HMCN2: variants seen among roughly 807,000 people sequenced by gnomAD.
HMCN2 encodes hemicentin-2.
Under a neutral mutation model 377.5 loss-of-function variants are expected in HMCN2, and 325 were observed. The ratio of observed to expected loss-of-function variants is 0.86; its 90% CI spans 0.79 to 0.94. The LOEUF is 0.94. Ranked by LOEUF, HMCN2 falls within the 40% of genes least tolerant of loss-of-function variation. The pLI is 0.00. For missense variants in HMCN2, 4,543 were observed against 4,725.3 expected, an observed-to-expected ratio of 0.96 and a Z score of 1.13; for synonymous variants, 2,007 against 2,046.8, an observed-to-expected ratio of 0.98 and a Z score of 0.53.
chr9:130,398,519 C>T, intron 74 of HMCN2, 32 bp from the exon 75 acceptor site: 1 of 1,159,874 alleles, frequency 8.6e-7, no homozygotes, highest in Middle Eastern at 2.8e-4. Flanking sequence ...GTGCCCCCTG[C>T]ACCTGTCTCC....
intron 22 of HMCN2, among the ~76,000 whole-genome samples, chr9:130,337,358 G>A (rs1431548579): frequency 1.3e-5 from 2 of 152,174 alleles, no homozygotes; most frequent in Non-Finnish European, 2.9e-5. Flanking sequence ...TGCAGTCAGA[G>A]TCAGGCCGGC....
chr9:130,396,364 T>C (rs1842610309), intron 73 of HMCN2, 51 bp downstream of exon 73: 22 of 1,230,890 alleles, frequency 1.8e-5, no homozygotes, highest in Non-Finnish European at 2.3e-5. Context: ...TGCCACTTTG[T>C]GGGTTGCAAA....
chr9:130,322,371 T>A (rs1392464613), intron 19 of HMCN2, among the ~76,000 whole-genome samples: 2 of 152,122 alleles, frequency 1.3e-5, no homozygotes, highest in Non-Finnish European at 2.9e-5. Flanking sequence ...TCCATCTGTC[T>A]ATCTATCTAT....
intron 85 of HMCN2, among the ~76,000 whole-genome samples, chr9:130,418,287 G>A (rs1421331871): frequency 9.2e-5 from 14 of 152,200 alleles, no homozygotes; most frequent in South Asian, 8.3e-4. Context: ...ATGGCCGGGC[G>A]TGGTGGCTCA....
intron 30 of HMCN2, among the ~76,000 whole-genome samples, chr9:130,352,615 G>T (rs1417241130): frequency 6.6e-6 from 1 of 152,128 alleles, no homozygotes; most frequent in Non-Finnish European, 1.5e-5. Context: ...TTCACAGATG[G>T]GGAGACTGAG....
Position 130,395,023 on chromosome 9 carries a change from C to A in HMCN2, c.10693-4C>A. The A allele has an allele frequency of 7.8e-7, 1 of 1,284,676 alleles. No individual in the cohort carries two copies. The highest frequency in any genetic ancestry group is 1.0e-6 in the Non-Finnish European group (1 of 986,036). 79.6% of individuals were successfully genotyped at this position (1,284,676 alleles called of 1,614,324 possible). On this transcript the variant is annotated splice_region_variant and splice_polypyrimidine_tract_variant and intron_variant, in intron 69 of 97. Transcript: ENST00000683500. ...GGCAGCTGCTCAACCCGCTCCATCC[C>A]CAGGTTAGGGATGCTGGGCTGTACA...
intron 32 of HMCN2, among the ~76,000 whole-genome samples, 164 bp from the exon 33 acceptor site, chr9:130,355,582 C>T (rs970334295): frequency 1.3e-5 from 2 of 152,204 alleles, no homozygotes; most frequent in Non-Finnish European, 2.9e-5. Context: ...TCCCCTTACC[C>T]GCCTTGGGTG....
intron 85 of HMCN2, among the ~76,000 whole-genome samples, chr9:130,418,348 G>A (rs1843804074): frequency 6.6e-6 from 1 of 152,170 alleles, no homozygotes; most frequent in South Asian, 2.1e-4. Flanking sequence ...ATCACTTGAG[G>A]TCAGGAGTTC....
chr9:130,428,385 A>G lies in HMCN2; in HGVS notation c.14093A>G (p.His4698Arg). The G allele has an allele frequency of 1.3e-6, 2 of 1,547,816 alleles. No individual in the cohort carries two copies. Among genetic ancestry groups the G allele is most frequent in the Non-Finnish European group, 1.7e-6 (2 of 1,146,748 alleles). ...GTGGACGAGTGTGCGTGGGATGCTC[A>G]CCTCTGCCGAGAGGGACAGCGCTGT... ...RDVDECAWDA[H>R]LCREGQRCVN... Residue 4698 changes from histidine to arginine, a missense_variant, in exon 93 of 98, where the codon CAC becomes CGC. This residue lies in a region of HMCN2 where 1,155 missense variants were observed against 1,157.7 expected (regional missense o/e 1.00). Transcript: ENST00000683500. This position sits in a 1 kb window ranked among gnomAD's most constrained non-coding sequence, Gnocchi z 5.0.
intron 36 of HMCN2, 50 bp downstream of exon 36, chr9:130,358,536 C>A: frequency 7.7e-7 from 1 of 1,301,220 alleles, no homozygotes; most frequent in South Asian, 1.2e-5. Context: ...TTGGGTGATC[C>A]CTTGGGGACC....
chr9:130,372,360 GC>G lies in HMCN2; in HGVS notation c.7305del (p.Ser2435ArgfsTer29). ...QDSGLYSCLASNEAGEARRNF... is the reference protein window; with the variant it reads ...QDSGLYSCLAXNEAGEARRNF... ...AGTGGCCTCTACTCATGCCTGGCAA[GC>G]AACGAGGCTGGGGAGGCACGGAGGA... On this transcript the variant is annotated frameshift_variant, in exon 47 of 98. Transcript: ENST00000683500. LOFTEE classifies it high-confidence loss of function. 1 of 985,978 alleles carries G rather than the reference GC, an allele frequency of 1.0e-6. No individual in the cohort carries two copies. The highest frequency in any genetic ancestry group is 4.7e-5 in the South Asian group (1 of 21,292). 61.1% of individuals were successfully genotyped at this position (985,978 alleles called of 1,614,324 possible).
At chr9:130,395,748 G>A (rs1842576027) in intron 71 of HMCN2, among the ~76,000 whole-genome samples, 176 bp from the exon 72 acceptor site, 2 of 152,192 alleles carry the variant, frequency 1.3e-5, no homozygotes, top group Admixed American at 1.3e-4. Flanking sequence ...TCCTCCCAGA[G>A]GAGTGCATTT....
rs1841274346 is a variant in HMCN2, at chr9:130,374,592, T to C, written c.7529T>C (p.Leu2510Pro). The C allele has an allele frequency of 2.0e-6, 2 of 985,802 alleles. No homozygotes were observed. The highest frequency in any genetic ancestry group is 9.4e-5 in the South Asian group (2 of 21,292). 61.1% of individuals were successfully genotyped at this position (985,802 alleles called of 1,614,324 possible). The change falls in exon 49 of 98, where the codon CTG (leucine) becomes CCG (proline). Residue 2510 changes from leucine (L) to proline (P), a missense_variant. Coordinates refer to ENST00000683500, the MANE Select transcript of HMCN2 (RefSeq NM_001291815.2). ...CACATCTCCCCAGACGGAGTCCTCC[T>C]GCAGGTCCTCCAGGCAAACCTGTCC... ...AHHISPDGVL[L>P]QVLQANLSSA...
rs78072800 is a variant in HMCN2 at position 130,290,523 on chromosome 9, G to C, written c.612+4213G>C. 9.3e-3 allele frequency among the ~76,000 whole-genome samples: 1,412 copies of C among 152,302 alleles called. 20 individuals are homozygous for C. The highest frequency in any genetic ancestry group is 0.033 in the African/African-American group (1,353 of 41,570). ...CCCTCCTGACCCCTGACAAGGCCTG[G>C]CCCGGGGGAAGGGGACGGTGGTAAC... is the stretch of plus-strand genomic sequence containing the variant. On this transcript the variant is annotated intron_variant, in intron 4 of 97. Transcript: ENST00000683500.
chr9:130,373,545 C>G (rs533957102), intron 48 of HMCN2, among the ~76,000 whole-genome samples: 1 of 132,096 alleles, frequency 7.6e-6, no homozygotes, highest in South Asian at 2.5e-4. Context: ...GAGTAGGCTC[C>G]CATTCGTGCT....
chr9:130,377,197 TC>T (rs1353480987), intron 52 of HMCN2, among the ~76,000 whole-genome samples: 1 of 152,070 alleles, frequency 6.6e-6, no homozygotes, highest in Non-Finnish European at 1.5e-5. Context: ...CACTGCAGCC[TC>T]TGCCTCCTGG....
intron 74 of HMCN2, among the ~76,000 whole-genome samples, chr9:130,398,052 C>T (rs1588393437): frequency 1.4e-5 from 2 of 140,112 alleles, no homozygotes. Flanking sequence ...ACTTGGGAGG[C>T]TGAGGTGGGA....
intron 47 of HMCN2, 41 bp downstream of exon 47, chr9:130,372,448 T>G: frequency 5.0e-6 from 4 of 797,384 alleles, no homozygotes; most frequent in Non-Finnish European, 4.6e-6. Context: ...CTATGAACTC[T>G]TCCCCACTGC....
At position 130,347,960 on chromosome 9, in the gene HMCN2, G is replaced by A; in HGVS notation, c.4025-585G>A. The stretch of plus-strand genomic sequence containing the variant: ...ACCCCTGGTCTCTTCTCACATTCTT[G>A]TCCTCAGCAGGGAGAGCGCCCACCC... On this transcript the variant is annotated intron_variant, in intron 26 of 97. Transcript: ENST00000683500. The surrounding 1 kb of genome is among the most constrained non-coding windows in gnomAD (Gnocchi z 5.1). 4.1e-6 allele frequency: 4 copies of A among 984,210 alleles called. No individual in the cohort carries two copies. The highest frequency in any genetic ancestry group is 4.8e-6 in the Non-Finnish European group (4 of 828,844). 61.0% of individuals were successfully genotyped at this position (984,210 alleles called of 1,614,324 possible). A position where few individuals can be genotyped will look rare whatever the true frequency, so the allele number is the denominator to read the frequency against.
Sources: gnomAD v4.1 joint callset for allele counts (sites outside exome capture counted in the v4.1 genomes callset) on GRCh38, gnomAD v4.1.1 for gene constraint, gnomAD v4.1.1 regional missense constraint, Gnocchi (gnomAD v3.1) non-coding constraint, MANE v1.5 for transcripts, NCBI Gene and HGNC (gene_info 2026-07-23, HGNC 2026-07-21) for gene names.